The following SLC52A3 variants were observed in gnomAD, a reference collection of about 807,000 sequenced individuals.
SLC52A3 encodes solute carrier family 52, riboflavin transporter, member 3.
In SLC52A3, 20 loss-of-function variants were observed where a neutral mutation model predicts 29.5. The ratio of observed to expected loss-of-function variants is 0.68; its 90% CI spans 0.48 to 0.99. The LOEUF is 0.99. SLC52A3 is among the 50% of genes least tolerant of loss of function. The probability of loss-of-function intolerance (pLI) is 0.00; values close to 1 mark genes in which losing one functional copy is unlikely to be tolerated. For missense variants in SLC52A3, 548 were observed against 612.9 expected, an observed-to-expected ratio of 0.89 and a Z score of 1.12; for synonymous variants, 301 against 271.0, an observed-to-expected ratio of 1.11 and a Z score of -1.09.
In SLC52A3 at chr20:760,708, A is replaced by G. The variant is rs920769569; in HGVS notation, c.*318T>C. On this transcript the variant is annotated 3_prime_UTR_variant, in exon 5 of 5. Coordinates refer to ENST00000645534, the MANE Select transcript of SLC52A3 (RefSeq NM_033409.4). This position sits in a 1 kb window ranked among gnomAD's most constrained non-coding sequence, Gnocchi z 4.9. ...TCCCAAGGTCACACAGCCTGAAGGG[A>G]CAGCCGGCTGTCCCAGCTGTTTCCC... is the stretch of plus-strand genomic sequence containing the variant. 3 of 396,074 alleles carry G rather than the reference A, an allele frequency of 7.6e-6. No homozygotes were observed. Among genetic ancestry groups the G allele is most frequent in the African/African-American group, 6.0e-5 (3 of 49,736 alleles). 24.5% of individuals were successfully genotyped at this position (396,074 alleles called of 1,614,324 possible). A position where few individuals can be genotyped will look rare whatever the true frequency, so the allele number is the denominator to read the frequency against.
In SLC52A3 at chr20:763,025, G is replaced by A. The variant is rs556058224; in HGVS notation, c.1073+473C>T. On this transcript the variant is annotated intron_variant, in intron 3 of 4. Transcript: ENST00000645534. ...CATTCTTCTAGAACTGTGGCTCTAAGGGAACCAGCAGGAGGTTAGAGGCAG... is the reference window on the plus strand; with the variant it reads ...CATTCTTCTAGAACTGTGGCTCTAAAGGAACCAGCAGGAGGTTAGAGGCAG... 1.1e-4 allele frequency among the ~76,000 whole-genome samples: 17 copies of A among 152,366 alleles called. No individual in the cohort carries two copies. The South Asian group carries it at 3.5e-3, about 32-fold the overall frequency.
chr20:779,877 A>G (rs902755857), upstream of SLC52A3, among the ~76,000 whole-genome samples: 3 of 152,226 alleles, frequency 2.0e-5, no homozygotes, highest in African/African-American at 7.2e-5. Flanking sequence ...ATTGTTCCAT[A>G]GAAAGAATCT....
chr20:765,834 G>A lies in SLC52A3; in HGVS notation c.-51-9C>T. 4.0e-6 allele frequency: 6 copies of A among 1,515,250 alleles called. No homozygotes were observed. Among genetic ancestry groups the A allele is most frequent in the Non-Finnish European group, 5.4e-6 (6 of 1,104,200 alleles). 93.9% of individuals were successfully genotyped at this position (1,515,250 alleles called of 1,614,324 possible). Reference sequence around the variant, plus strand: ...ATCAGCCTGCAGCGGGGCTGGCAGAGAAGGACACCAGGTGAGTAATTCCAG... The same window carrying A: ...ATCAGCCTGCAGCGGGGCTGGCAGAAAAGGACACCAGGTGAGTAATTCCAG... On this transcript the variant is annotated splice_polypyrimidine_tract_variant and intron_variant, in intron 1 of 4. Coordinates refer to ENST00000645534, the MANE Select transcript of SLC52A3 (RefSeq NM_033409.4). The surrounding 1 kb of genome is among the most constrained non-coding windows in gnomAD (Gnocchi z 6.6).
upstream of SLC52A3, among the ~76,000 whole-genome samples, chr20:777,449 C>T (rs1351369965): frequency 2.6e-5 from 4 of 152,166 alleles, no homozygotes; most frequent in Non-Finnish European, 5.9e-5. Flanking sequence ...AGCCTGATGG[C>T]CTCTCATTAA....
upstream of SLC52A3, among the ~76,000 whole-genome samples, chr20:773,165 C>T (rs954383093): frequency 6.6e-6 from 1 of 152,044 alleles, no homozygotes; most frequent in African/African-American, 2.4e-5. Context: ...AAACATGAGG[C>T]GCCAGGGAGG....
At position 760,502 on chromosome 20, in the gene SLC52A3, G is replaced by A. The variant is rs1238950370; in HGVS notation, c.*524C>T. ...CAACCCTTCTGGCCACTTCTAGGTT[G>A]TGCAGACTGCCACTCTTGTTACTAC... is the stretch of plus-strand genomic sequence containing the variant. On this transcript the variant is annotated 3_prime_UTR_variant, in exon 5 of 5. Coordinates refer to ENST00000645534, the MANE Select transcript of SLC52A3 (RefSeq NM_033409.4). This position sits in a 1 kb window ranked among gnomAD's most constrained non-coding sequence, Gnocchi z 4.9. 6.2e-6 allele frequency: 1 copy of A among 160,592 alleles called. No individual in the cohort carries two copies. The highest frequency in any genetic ancestry group is 2.4e-5 in the African/African-American group (1 of 41,644). 9.9% of individuals were successfully genotyped at this position (160,592 alleles called of 1,614,324 possible).
chr20:779,758 C>T (rs150400316), upstream of SLC52A3, among the ~76,000 whole-genome samples: 689 of 152,284 alleles, frequency 4.5e-3, 10 homozygotes, highest in African/African-American at 0.016. Flanking sequence ...ATAAGTCAGA[C>T]CTTATCTGCA....
chr20:762,824 G>A (rs1256268860), intron 3 of SLC52A3, among the ~76,000 whole-genome samples: 1 of 152,148 alleles, frequency 6.6e-6, no homozygotes, highest in Non-Finnish European at 1.5e-5. Context: ...GGACAGGCAG[G>A]CCAGCGTGGA....
At chr20:766,136 C>T (rs1431229862) in intron 1 of SLC52A3, 9 of 277,414 alleles carry the variant, frequency 3.2e-5, no homozygotes, top group South Asian at 7.8e-5. Flanking sequence ...GGTTTCCCCA[C>T]GTTGGTCAGG....
upstream of SLC52A3, among the ~76,000 whole-genome samples, chr20:769,426 TC>T (rs1469875858): frequency 6.6e-6 from 1 of 152,148 alleles, no homozygotes; most frequent in Non-Finnish European, 1.5e-5. Context: ...TGACCTAACC[TC>T]CTGTGCTTCA....
At chr20:770,918 G>A (rs1986825661), upstream of SLC52A3, among the ~76,000 whole-genome samples, 1 of 152,296 alleles carries the variant, frequency 6.6e-6, no homozygotes, top group South Asian at 2.1e-4. This position sits in a 1 kb window ranked among gnomAD's most constrained non-coding sequence, Gnocchi z 4.5. Flanking sequence ...AGATGTGATG[G>A]CCAGAACTCC....
upstream of SLC52A3, among the ~76,000 whole-genome samples, chr20:768,836 G>A (rs1986768558): frequency 6.6e-6 from 1 of 152,204 alleles, no homozygotes; most frequent in Non-Finnish European, 1.5e-5. Context: ...GGAGGGAGGG[G>A]AAGCTCCCAG....
Position 761,172 on chromosome 20 carries a change from G to T in SLC52A3, c.1264C>A (p.Arg422Ser). The change falls in exon 5 of 5, where the codon CGC becomes AGC. Residue 422 changes from arginine (R) to serine (S), a missense_variant. This residue lies in a region of SLC52A3 where 173 missense variants were observed against 141.8 expected (regional missense o/e 1.22). Transcript: ENST00000645534. The part of the protein sequence containing the change: ...YVKVMLGVVL[R>S]DLSRSALLWC... ...AAGAGGGCGCTGCGGCTGAGGTCGCGCAGGACCACGCCCAGCATCACCTTG... is the reference window on the plus strand; with the variant it reads ...AAGAGGGCGCTGCGGCTGAGGTCGCTCAGGACCACGCCCAGCATCACCTTG... 2 of 1,573,490 alleles carry T rather than the reference G, an allele frequency of 1.3e-6. No homozygotes were observed. Among genetic ancestry groups the T allele is most frequent in the Non-Finnish European group, 8.6e-7 (1 of 1,161,196 alleles).
chr20:765,766 G>C lies in SLC52A3; in HGVS notation c.9C>G (p.Phe3Leu). Reference protein sequence around the residue: MAFLMHLLVCVFG... With the variant: MALLMHLLVCVFG... ...AGACGCAGACCAGCAGGTGCATCAG[G>C]AAGGCCATGGCGGTATCTGCCCTGG... The change falls in exon 2 of 5, where the codon TTC becomes TTG. Residue 3 changes from phenylalanine (F) to leucine (L), a missense_variant. Phe to Leu is a conservative substitution (Grantham distance 22). Around this residue, in one of 2 missense-constraint regions of SLC52A3, gnomAD observed 375 missense variants for 471.1 expected, o/e 0.80. Coordinates refer to ENST00000645534, the MANE Select transcript of SLC52A3 (RefSeq NM_033409.4). This position sits in a 1 kb window ranked among gnomAD's most constrained non-coding sequence, Gnocchi z 6.6. 1 of 1,600,748 alleles carries C rather than the reference G, an allele frequency of 6.2e-7. No homozygotes were observed.
Position 763,778 on chromosome 20 carries a change from T to C in SLC52A3, c.793A>G (p.Ile265Val), listed in dbSNP as rs1986574206. 2 of 1,614,088 alleles carry C rather than the reference T, an allele frequency of 1.2e-6. No homozygotes were observed. Among genetic ancestry groups the C allele is most frequent in the African/African-American group, 1.3e-5 (1 of 75,030 alleles). Reference sequence around the variant, plus strand: ...AAGTCATTCTCTTCCCGCGGCCGGATGGAGTGGAGGGTGACCTGGTCATTG... The same window carrying C: ...AAGTCATTCTCTTCCCGCGGCCGGACGGAGTGGAGGGTGACCTGGTCATTG... ...LLNDQVTLHS[I>V]RPREENDLGP... The change falls in exon 3 of 5, where the codon ATC becomes GTC. Residue 265 changes from isoleucine (I) to valine (V), a missense_variant. Ile to Val is a conservative substitution (Grantham distance 29). This residue lies in a region of SLC52A3 where 375 missense variants were observed against 471.1 expected (regional missense o/e 0.80). Coordinates refer to ENST00000645534, the MANE Select transcript of SLC52A3 (RefSeq NM_033409.4).
Position 760,731 on chromosome 20 carries a change from C to G in SLC52A3, c.*295G>C. On this transcript the variant is annotated 3_prime_UTR_variant, in exon 5 of 5. Coordinates refer to ENST00000645534, the MANE Select transcript of SLC52A3 (RefSeq NM_033409.4). This position sits in a 1 kb window ranked among gnomAD's most constrained non-coding sequence, Gnocchi z 4.9. ...GGACAGCCGGCTGTCCCAGCTGTTT[C>G]CCTTCTAACACCCTTGGGCCTGCCT... is the stretch of plus-strand genomic sequence containing the variant. The G allele has an allele frequency of 4.4e-6, 2 of 453,422 alleles. No individual in the cohort carries two copies. The highest frequency in any genetic ancestry group is 5.8e-4 in the Middle Eastern group (1 of 1,728). 28.1% of individuals were successfully genotyped at this position (453,422 alleles called of 1,614,324 possible).
At chr20:766,720 C>T (rs922993489) in intron 1 of SLC52A3, among the ~76,000 whole-genome samples, 7 of 152,186 alleles carry the variant, frequency 4.6e-5, no homozygotes, top group Non-Finnish European at 1.0e-4. Context: ...AGCCCGCCTG[C>T]ACCCAGGTGA....
chr20:776,398 G>A (rs916366864), upstream of SLC52A3, among the ~76,000 whole-genome samples: 1 of 152,238 alleles, frequency 6.6e-6, no homozygotes, highest in African/African-American at 2.4e-5. Context: ...CTAACTGCCA[G>A]TGTGCACTGA....
chr20:766,130 T>C, intron 1 of SLC52A3: 1 of 286,152 alleles, frequency 3.5e-6, no homozygotes, highest in Non-Finnish European at 6.8e-6. Context: ...AAACAGGGTT[T>C]CCCCACGTTG....
Sources: gnomAD v4.1 joint callset for allele counts (sites outside exome capture counted in the v4.1 genomes callset) on GRCh38, gnomAD v4.1.1 for gene constraint, gnomAD v4.1.1 regional missense constraint, Gnocchi (gnomAD v3.1) non-coding constraint, MANE v1.5 for transcripts, NCBI Gene and HGNC (gene_info 2026-07-23, HGNC 2026-07-21) for gene names.